Variants in IPMK observed in about 807,000 individuals in gnomAD.
The protein encoded by IPMK is inositol polyphosphate multikinase, also known as inositol 1,3,4,6-tetrakisphosphate 5-kinase.
Under a neutral mutation model 45.8 loss-of-function variants are expected in IPMK, and 17 were observed. The observed-to-expected ratio is 0.37, with a 90% CI of 0.25 to 0.56. The LOEUF is 0.56. Among genes scored for constraint, IPMK ranks in the 20% least tolerant of loss-of-function variants. The pLI, the probability that IPMK is intolerant of heterozygous loss-of-function variation, is 0.79. For missense variants in IPMK, 399 were observed against 498.0 expected (o/e 0.80, Z 1.89); for synonymous variants, 180 against 184.3 (o/e 0.98, Z 0.19).
chr10:58,238,968 C>A (rs938029225), intron 1 of IPMK, among the ~76,000 whole-genome samples: 3 of 151,796 alleles, frequency 2.0e-5, no homozygotes, highest in African/African-American at 4.8e-5. Flanking sequence ...ACATAGCAGA[C>A]CCTGTTTCTA....
At chr10:58,211,348 T>C (rs1004613202) in intron 4 of IPMK, among the ~76,000 whole-genome samples, 1 of 151,910 alleles carries the variant, frequency 6.6e-6, no homozygotes, top group Admixed American at 6.6e-5. Context: ...TGTGCCACCA[T>C]ATGCAACTAA....
At chr10:58,204,193 C>T (rs1471973442) in intron 4 of IPMK, among the ~76,000 whole-genome samples, 1 of 151,938 alleles carries the variant, frequency 6.6e-6, no homozygotes, top group Non-Finnish European at 1.5e-5. Context: ...AAGACCCCAT[C>T]TCTATAAAAA....
intron 4 of IPMK, among the ~76,000 whole-genome samples, chr10:58,210,815 C>T (rs1435116442): frequency 6.6e-6 from 1 of 152,212 alleles, no homozygotes; most frequent in Admixed American, 6.5e-5. Flanking sequence ...ACCTAACTCA[C>T]AGAGTTTGCA....
chr10:58,251,361 T>C (rs948393938), intron 1 of IPMK, among the ~76,000 whole-genome samples: 1 of 152,200 alleles, frequency 6.6e-6, no homozygotes, highest in Admixed American at 6.5e-5. Flanking sequence ...ATAGTTGATA[T>C]TATTTTTAAA....
chr10:58,206,545 C>A (rs1426752434), intron 4 of IPMK, among the ~76,000 whole-genome samples: 2 of 152,152 alleles, frequency 1.3e-5, no homozygotes, highest in African/African-American at 4.8e-5. Context: ...TAAATCCCAG[C>A]AGAGTGAAAT....
intron 1 of IPMK, among the ~76,000 whole-genome samples, chr10:58,256,042 T>A (rs1395364994): frequency 6.6e-6 from 1 of 152,196 alleles, no homozygotes; most frequent in Non-Finnish European, 1.5e-5. Flanking sequence ...GGACCCTGGA[T>A]TGCGTTATCT....
chr10:58,260,563 C>A (rs2132267393), intron 1 of IPMK, among the ~76,000 whole-genome samples: 1 of 151,908 alleles, frequency 6.6e-6, no homozygotes, highest in East Asian at 1.9e-4. Flanking sequence ...GCATATGTGG[C>A]AAAATTAATA....
intron 2 of IPMK, among the ~76,000 whole-genome samples, chr10:58,229,377 A>G (rs1235111533): frequency 6.6e-6 from 1 of 152,050 alleles, no homozygotes; most frequent in Non-Finnish European, 1.5e-5. Context: ...AGCCTGGCCA[A>G]CATGGCAAAA....
chr10:58,244,862 T>A (rs1016706668), intron 1 of IPMK, among the ~76,000 whole-genome samples: 1 of 152,206 alleles, frequency 6.6e-6, no homozygotes, highest in East Asian at 1.9e-4. Context: ...TTAAGAGTCA[T>A]CACCACTCCC....
intron 1 of IPMK, 133 bp from the exon 2 acceptor site, chr10:58,237,947 A>C (rs1838639082): frequency 1.6e-6 from 1 of 644,912 alleles, no homozygotes. Flanking sequence ...CTTATTTCAG[A>C]AATTTTAACA....
Position 58,195,975 on chromosome 10 carries a change from A to C in IPMK, c.*101T>G. On this transcript the variant is annotated 3_prime_UTR_variant, in exon 6 of 6. Transcript: ENST00000373935. ...AAGTATAAAGACAAATAAAATGTCG[A>C]CTCATAATACAAATTTTTTACATAG... 1 of 1,096,248 alleles carries C rather than the reference A, an allele frequency of 9.1e-7. No homozygotes were observed. The highest frequency in any genetic ancestry group is 1.6e-5 in the African/African-American group (1 of 63,420). The allele number at this position is 1,096,248 out of a possible 1,614,324, so 67.9% of individuals were successfully genotyped here. A position where few individuals can be genotyped will look rare whatever the true frequency, so the allele number is the denominator to read the frequency against.
At chr10:58,221,359 G>T (rs1030350920) in intron 3 of IPMK, among the ~76,000 whole-genome samples, 1 of 127,882 alleles carries the variant, frequency 7.8e-6, no homozygotes, top group African/African-American at 3.9e-5. Context: ...AGCTCAGCTT[G>T]CCTATTTTTT....
At chr10:58,197,362 G>T (rs1837917127) in intron 5 of IPMK, among the ~76,000 whole-genome samples, 1 of 93,006 alleles carries the variant, frequency 1.1e-5, no homozygotes, top group South Asian at 3.2e-4. Context: ...TAAAAAATAG[G>T]ATTCCAGGCC....
intron 1 of IPMK, among the ~76,000 whole-genome samples, chr10:58,249,069 T>C (rs1025090884): frequency 6.6e-6 from 1 of 152,246 alleles, no homozygotes; most frequent in Non-Finnish European, 1.5e-5. Context: ...CTGGATCATA[T>C]GGTAGATTTA....
At chr10:58,200,598 T>G (rs1029156709) in intron 4 of IPMK, among the ~76,000 whole-genome samples, 25 of 152,196 alleles carry the variant, frequency 1.6e-4, no homozygotes, top group African/African-American at 5.8e-4. Context: ...TATATGATAA[T>G]GGGATTTTAA....
At chr10:58,228,917 A>G (rs997656989) in intron 2 of IPMK, among the ~76,000 whole-genome samples, 118 of 152,234 alleles carry the variant, frequency 7.8e-4, no homozygotes, top group Admixed American at 4.4e-3. Context: ...CCTATGAAAC[A>G]AAAGTGTTAA....
intron 1 of IPMK, among the ~76,000 whole-genome samples, chr10:58,251,400 A>C (rs1265059753): frequency 6.6e-6 from 1 of 152,064 alleles, no homozygotes; most frequent in Non-Finnish European, 1.5e-5. Flanking sequence ...TTGGGACCTA[A>C]CATATGATTT....
At chr10:58,250,885 G>A (rs1276000408) in intron 1 of IPMK, among the ~76,000 whole-genome samples, 1 of 152,172 alleles carries the variant, frequency 6.6e-6, no homozygotes, top group Admixed American at 6.5e-5. Context: ...TTATCAGGAA[G>A]TGATGTTGAA....
Position 58,196,353 on chromosome 10 carries a change from T to C in IPMK, c.974A>G (p.Tyr325Cys), listed in dbSNP as rs772940182. The change falls in exon 6 of 6, where the codon TAT becomes TGT. Residue 325 changes from tyrosine to cysteine, a missense_variant. This residue lies in a region of IPMK where 288 missense variants were observed against 398.0 expected (regional missense o/e 0.72). Coordinates refer to ENST00000373935, the MANE Select transcript of IPMK (RefSeq NM_152230.5). ...SKMYARHRKI[Y>C]TKKHHSQTSL... is the part of the protein sequence containing the mutation. ...AGTCTGACTGTGATGCTTTTTTGTA[T>C]ATATTTTCCTGTGACGCGCATACAT... is the stretch of plus-strand genomic sequence containing the variant. 6 of 1,614,192 alleles carry C rather than the reference T, an allele frequency of 3.7e-6. No homozygotes were observed. Among genetic ancestry groups the C allele is most frequent in the South Asian group, 1.1e-5 (1 of 91,088 alleles).
Sources: gnomAD v4.1 joint callset for allele counts (sites outside exome capture counted in the v4.1 genomes callset) on GRCh38, gnomAD v4.1.1 for gene constraint, gnomAD v4.1.1 regional missense constraint, MANE v1.5 for transcripts, NCBI Gene and HGNC (gene_info 2026-07-23, HGNC 2026-07-21) for gene names.